MYH15: variants seen among roughly 807,000 people sequenced by gnomAD.
MYH15 encodes myosin heavy chain 15.
In MYH15, 227 loss-of-function variants were observed where a neutral mutation model predicts 240.5. The observed-to-expected ratio is 0.94, with a 90% CI of 0.85 to 1.05. The LOEUF (loss-of-function observed/expected upper bound fraction) is 1.05. Among genes scored for constraint, MYH15 ranks in the 50% least tolerant of loss-of-function variants. The pLI is 0.00. For missense variants in MYH15, 2,217 were observed against 2,247.5 expected, an observed-to-expected ratio of 0.99 and a Z score of 0.27; for synonymous variants, 785 against 796.7, an observed-to-expected ratio of 0.99 and a Z score of 0.25.
intron 21 of MYH15, among the ~76,000 whole-genome samples, chr3:108,450,771 T>C (rs2082966140): frequency 6.6e-6 from 1 of 152,106 alleles, no homozygotes; most frequent in Non-Finnish European, 1.5e-5. Flanking sequence ...CATTTCACAA[T>C]ACCTACATAT....
chr3:108,444,453 T>C (rs2082910374), intron 22 of MYH15, among the ~76,000 whole-genome samples, 187 bp downstream of exon 22: 1 of 152,208 alleles, frequency 6.6e-6, no homozygotes, highest in Non-Finnish European at 1.5e-5. Flanking sequence ...AAAGACATCT[T>C]GCCAATTAAA....
chr3:108,533,612 G>A (rs1388097502), upstream of MYH15, among the ~76,000 whole-genome samples: 1 of 152,116 alleles, frequency 6.6e-6, no homozygotes, highest in Non-Finnish European at 1.5e-5. Context: ...TATAGGGTAA[G>A]GTGCCAGACT....
At chr3:108,486,666 C>T (rs903803144) in intron 9 of MYH15, 140 bp from the exon 10 acceptor site, 20 of 492,594 alleles carry the variant, frequency 4.1e-5, no homozygotes, top group Middle Eastern at 8.8e-4. Context: ...ATTTTAGACC[C>T]AAACTTCTAC....
At chr3:108,518,501 T>C (rs993912000) in intron 1 of MYH15, among the ~76,000 whole-genome samples, 9 of 152,178 alleles carry the variant, frequency 5.9e-5, no homozygotes, top group African/African-American at 2.2e-4. Flanking sequence ...ACAGTTACTG[T>C]ACTATCTTAT....
In MYH15 at chr3:108,456,900, G is replaced by C. The variant is rs1293051271; in HGVS notation, c.2021-17C>G. The C allele has an allele frequency of 6.4e-7, 1 of 1,553,026 alleles. No homozygotes were observed. Among genetic ancestry groups the C allele is most frequent in the Non-Finnish European group, 8.8e-7 (1 of 1,130,062 alleles). On this transcript the variant is annotated splice_polypyrimidine_tract_variant and intron_variant, in intron 18 of 40. Coordinates refer to ENST00000693548, the MANE Select transcript of MYH15 (RefSeq NM_014981.3). ...CCAGTATACCTGGAAAAAAAAAAGAGTCATGGTGGATCTGTGCCTGAAAAA... is the reference window on the plus strand; with the variant it reads ...CCAGTATACCTGGAAAAAAAAAAGACTCATGGTGGATCTGTGCCTGAAAAA...
intron 27 of MYH15, among the ~76,000 whole-genome samples, chr3:108,426,205 GA>G (rs34105033): frequency 1.0e-3 from 131 of 130,494 alleles, no homozygotes; most frequent in African/African-American, 2.1e-3. Context: ...AGTATTTTCA[GA>G]AAAAAAAAAA....
At chr3:108,468,373 T>G (rs1274941694) in intron 14 of MYH15, among the ~76,000 whole-genome samples, 4 of 152,248 alleles carry the variant, frequency 2.6e-5, no homozygotes, top group Non-Finnish European at 5.9e-5. Context: ...TTATATATAT[T>G]GATGTGTTTT....
chr3:108,399,479 C>T (rs1248745500), intron 33 of MYH15, among the ~76,000 whole-genome samples: 13 of 152,136 alleles, frequency 8.5e-5, no homozygotes, highest in Admixed American at 3.9e-4. Context: ...TAATGGACTA[C>T]GTAGGGTTTC....
In MYH15 at chr3:108,500,805, T is replaced by C. The variant is rs192853340; in HGVS notation, c.340-531A>G. On this transcript the variant is annotated intron_variant, in intron 3 of 40. Transcript: ENST00000693548. ...TAATTACAGGTTAAGGGTCTCAAGA[T>C]GATGACATCCAGGTGGGTCTTGAAT... Among the ~76,000 whole-genome samples the C allele has an allele frequency of 2.1e-3, 322 of 152,308 alleles. 2 individuals carry two copies. The highest frequency in any genetic ancestry group is 7.5e-3 in the African/African-American group (311 of 41,574).
At chr3:108,447,407 C>T (rs2082937370) in intron 21 of MYH15, among the ~76,000 whole-genome samples, 1 of 151,964 alleles carries the variant, frequency 6.6e-6, no homozygotes, top group African/African-American at 2.4e-5. Flanking sequence ...AAGAGATCTT[C>T]ACCAATGCAC....
intron 5 of MYH15, 86 bp from the exon 6 acceptor site, chr3:108,498,231 G>T (rs2083409309): frequency 3.5e-6 from 4 of 1,130,780 alleles, no homozygotes; most frequent in East Asian, 4.7e-5. Flanking sequence ...TATAGGCTAT[G>T]GCAAGCAGGG....
chr3:108,493,063 A>T, intron 8 of MYH15, 51 bp downstream of exon 8: 3 of 1,385,040 alleles, frequency 2.2e-6, no homozygotes, highest in Non-Finnish European at 3.1e-6. Flanking sequence ...AAGGGAAGGG[A>T]AGGAAGGGAA....
At chr3:108,492,174 A>C (rs1354533657) in intron 9 of MYH15, among the ~76,000 whole-genome samples, 2 of 150,564 alleles carry the variant, frequency 1.3e-5, no homozygotes, top group Non-Finnish European at 2.9e-5. Context: ...ATGTAGCTCT[A>C]ATTAAGGCCT....
chr3:108,381,157 C>G lies in MYH15; in HGVS notation c.*388G>C, dbSNP rs536209459. On this transcript the variant is annotated 3_prime_UTR_variant, in exon 41 of 41. Coordinates refer to ENST00000693548, the MANE Select transcript of MYH15 (RefSeq NM_014981.3). Reference sequence around the variant, plus strand: ...AAAGTTGCCTAACTTTAGTAAAAACCATTCACCAACATGCCCTAGTCCCCA... The same window carrying G: ...AAAGTTGCCTAACTTTAGTAAAAACGATTCACCAACATGCCCTAGTCCCCA... 5.0e-6 allele frequency: 1 copy of G among 199,492 alleles called. No homozygotes were observed. The highest frequency in any genetic ancestry group is 2.3e-5 in the African/African-American group (1 of 42,796). 12.4% of individuals were successfully genotyped at this position (199,492 alleles called of 1,614,324 possible).
chr3:108,519,287 GAC>G (rs2083598739), intron 1 of MYH15, among the ~76,000 whole-genome samples: 1 of 152,106 alleles, frequency 6.6e-6, no homozygotes. Context: ...AAGAAAACCA[GAC>G]TGGTAAGGAA....
upstream of MYH15, among the ~76,000 whole-genome samples, chr3:108,532,568 A>G (rs2083719188): frequency 6.6e-6 from 1 of 152,030 alleles, no homozygotes; most frequent in African/African-American, 2.4e-5. Flanking sequence ...AGATATTGGG[A>G]CTTCTCAGCC....
rs2082903402 is a variant in MYH15 at position 108,443,787 on chromosome 3, T to C, written c.2655+853A>G. Among the ~76,000 whole-genome samples, 3 of 151,806 alleles carry C rather than the reference T, an allele frequency of 2.0e-5. No homozygotes were observed. The South Asian group carries it at 6.3e-4, about 32-fold the overall frequency. ...TCTTAATCTGGACTGGATATCAGAG[T>C]CACCCATAGAGATTATTTGGACCCA... On this transcript the variant is annotated intron_variant, in intron 22 of 40. Coordinates refer to ENST00000693548, the MANE Select transcript of MYH15 (RefSeq NM_014981.3).
rs2107568941 is a variant in MYH15 at position 108,441,196 on chromosome 3, A to G, written c.2720T>C (p.Leu907Pro). ...CGACAGCTCCTTTACTCTGGCCTCC[A>G]GCTGGATCTTGGATTTAATCAGCCA... is the stretch of plus-strand genomic sequence containing the variant. ...CEWLIKSKIQ[L>P]EARVKELSER... Residue 907 changes from leucine to proline, a missense_variant, in exon 23 of 41, where the codon CTG becomes CCG. Transcript: ENST00000693548. The G allele has an allele frequency of 6.2e-7, 1 of 1,614,070 alleles. No individual in the cohort carries two copies. Among genetic ancestry groups the G allele is most frequent in the African/African-American group, 1.3e-5 (1 of 75,020 alleles).
At chr3:108,529,400 A>G, upstream of MYH15, 2 of 679,248 alleles carry the variant, frequency 2.9e-6, no homozygotes, top group South Asian at 3.9e-5. Context: ...ATCTGTGAAT[A>G]AAGAGGTGGA....
Sources: gnomAD v4.1 joint callset for allele counts (sites outside exome capture counted in the v4.1 genomes callset) on GRCh38, gnomAD v4.1.1 for gene constraint, MANE v1.5 for transcripts, NCBI Gene and HGNC (gene_info 2026-07-23, HGNC 2026-07-21) for gene names.